Variants in TRPM3 observed in about 807,000 individuals in gnomAD.
TRPM3 encodes the protein transient receptor potential cation channel subfamily M member 3, also known as long transient receptor potential channel 3.
TRPM3 carries 77 observed loss-of-function variants against 181.2 expected under a neutral mutation model. That is an observed-to-expected ratio of 0.42 (90% CI 0.35 to 0.51). TRPM3 has a LOEUF of 0.51. TRPM3 is among the 20% of genes least tolerant of loss of function. The probability of loss-of-function intolerance (pLI) is 0.01; values close to 1 mark genes in which losing one functional copy is unlikely to be tolerated. For missense variants in TRPM3, 1,759 were observed against 2,196.7 expected (o/e 0.80, Z 3.98); for synonymous variants, 745 against 796.4 (o/e 0.94, Z 1.09).
chr9:70,765,549 A>G (rs568225883), intron 7 of TRPM3, among the ~76,000 whole-genome samples: 1 of 152,246 alleles, frequency 6.6e-6, no homozygotes, highest in Admixed American at 6.5e-5. Flanking sequence ...GAGATCACGC[A>G]TCACTGCACT....
chr9:71,219,848 G>A (rs1395705784), intron 1 of TRPM3, among the ~76,000 whole-genome samples: 1 of 152,170 alleles, frequency 6.6e-6, no homozygotes, highest in African/African-American at 2.4e-5. Flanking sequence ...TTTACAAGTG[G>A]CCTTGAAGGG....
intron 1 of TRPM3, among the ~76,000 whole-genome samples, chr9:71,302,174 A>G (rs10781010): frequency 0.35 from 51,251 of 146,078 alleles, 8,899 homozygotes; most frequent in East Asian, 0.53. Context: ...AAAAATTTAC[A>G]CATTTGAAAA....
intron 1 of TRPM3, among the ~76,000 whole-genome samples, chr9:70,886,877 C>A (rs891880151): frequency 2.0e-5 from 3 of 152,102 alleles, no homozygotes; most frequent in African/African-American, 4.8e-5. Flanking sequence ...GTTGGCCAAG[C>A]CAGTTTCGAA....
chr9:70,695,969 G>T lies in TRPM3; in HGVS notation c.1273-14391C>A, dbSNP rs563541715. Among the ~76,000 whole-genome samples, 174 of 152,310 alleles carry T rather than the reference G, an allele frequency of 1.1e-3. 1 individual carries two copies. The highest frequency in any genetic ancestry group is 1.2e-3 in the Non-Finnish European group (81 of 68,028). ...TTGATTTCTTGGAGGGCAAGGGAAA[G>T]AACTTGCTCAAGGGCAGGTACAGCT... On this transcript the variant is annotated intron_variant, in intron 8 of 25. Coordinates refer to ENST00000677713, the MANE Select transcript of TRPM3 (RefSeq NM_001366145.2).
intron 1 of TRPM3, among the ~76,000 whole-genome samples, chr9:70,977,409 C>T (rs2097315252): frequency 6.6e-6 from 1 of 152,262 alleles, no homozygotes; most frequent in South Asian, 2.1e-4. Context: ...GCTGGGATTA[C>T]AGGCGTGAGC....
chr9:71,381,282 T>C (rs771525743), intron 1 of TRPM3, among the ~76,000 whole-genome samples: 41 of 152,154 alleles, frequency 2.7e-4, no homozygotes, highest in Non-Finnish European at 5.6e-4. Context: ...GACTGGTAGA[T>C]TAGGGAAGAG....
intron 1 of TRPM3, among the ~76,000 whole-genome samples, chr9:71,296,720 G>A (rs925383025): frequency 4.9e-4 from 74 of 152,202 alleles, no homozygotes; most frequent in Admixed American, 1.3e-3. Context: ...TATGGGAAAC[G>A]ACGGACCATT....
At chr9:70,756,955 A>C (rs1587918695) in intron 8 of TRPM3, among the ~76,000 whole-genome samples, 1 of 152,288 alleles carries the variant, frequency 6.6e-6, no homozygotes, top group Admixed American at 6.5e-5. Flanking sequence ...ACAAATTCAA[A>C]AGCTAGCAGA....
intron 22 of TRPM3, among the ~76,000 whole-genome samples, chr9:70,571,427 T>C (rs1393515034): frequency 6.6e-6 from 1 of 152,168 alleles, no homozygotes; most frequent in Admixed American, 6.5e-5. Context: ...CTGGAGGCCC[T>C]GTACCTTGGA....
At chr9:71,189,880 A>G (rs957057126) in intron 1 of TRPM3, among the ~76,000 whole-genome samples, 1 of 151,790 alleles carries the variant, frequency 6.6e-6, no homozygotes, top group Non-Finnish European at 1.5e-5. Context: ...CAAATCTTCT[A>G]TCTCCAAGAC....
At chr9:71,216,866 T>A (rs1020657653) in intron 1 of TRPM3, among the ~76,000 whole-genome samples, 1 of 150,622 alleles carries the variant, frequency 6.6e-6, no homozygotes, top group Non-Finnish European at 1.5e-5. Flanking sequence ...CAAGAAGACA[T>A]CCTTTGTGAA....
intron 1 of TRPM3, among the ~76,000 whole-genome samples, chr9:71,351,954 C>T: frequency 6.7e-6 from 1 of 149,800 alleles, no homozygotes; most frequent in Non-Finnish European, 1.5e-5. Context: ...TGGCTCACTG[C>T]AAGCTCCGCC....
chr9:70,661,000 G>A (rs1403845211), intron 9 of TRPM3, among the ~76,000 whole-genome samples: 6 of 151,874 alleles, frequency 4.0e-5, no homozygotes, highest in South Asian at 2.1e-4. Flanking sequence ...ACTACAGACC[G>A]ATATTCCTGA....
intron 1 of TRPM3, among the ~76,000 whole-genome samples, chr9:71,422,429 C>T (rs978297350): frequency 4.6e-5 from 7 of 152,012 alleles, no homozygotes; most frequent in Non-Finnish European, 7.4e-5. Flanking sequence ...ATTTGAGACC[C>T]CTCGATCTTT....
At chr9:71,226,009 T>TAAAAAAAAAAAAAAAAAAAAAAAAA in intron 1 of TRPM3, among the ~76,000 whole-genome samples, 10 of 34,706 alleles carry the variant, frequency 2.9e-4, no homozygotes, top group South Asian at 2.4e-3. Flanking sequence ...CAACAAAAGG[T>TAAAAAAAAAAAAAAAAAAAAAAAAA]AAAAAAAAAA....
chr9:70,765,884 T>C (rs1170434059), intron 7 of TRPM3, among the ~76,000 whole-genome samples: 1 of 152,226 alleles, frequency 6.6e-6, no homozygotes, highest in Non-Finnish European at 1.5e-5. Flanking sequence ...ATTTTAGATT[T>C]CTTTTTATGG....
At chr9:70,699,905 G>T (rs2071851715) in intron 8 of TRPM3, among the ~76,000 whole-genome samples, 1 of 152,164 alleles carries the variant, frequency 6.6e-6, no homozygotes, top group Non-Finnish European at 1.5e-5. Context: ...CAAGAATAAA[G>T]GGCAGGGAGG....
intron 1 of TRPM3, among the ~76,000 whole-genome samples, chr9:71,256,532 A>T (rs1457797521): frequency 1.3e-5 from 2 of 152,130 alleles, no homozygotes; most frequent in Admixed American, 6.6e-5. Context: ...AGGGGAAAAA[A>T]AAAGATTCCT....
intron 25 of TRPM3, among the ~76,000 whole-genome samples, chr9:70,547,123 C>G (rs564599660): frequency 1.2e-4 from 19 of 152,246 alleles, no homozygotes; most frequent in Non-Finnish European, 2.4e-4. Flanking sequence ...TTTCCTAAGT[C>G]TTTTAGTAGG....
Sources: allele counts gnomAD v4.1 joint callset (sites outside exome capture counted in the v4.1 genomes callset), GRCh38; gene constraint gnomAD v4.1.1; transcripts MANE v1.5; gene names NCBI Gene and HGNC (gene_info 2026-07-23, HGNC 2026-07-21).